The following UBASH3B variants were observed in gnomAD, a reference collection of about 807,000 sequenced individuals.
The protein encoded by UBASH3B is ubiquitin-associated and SH3 domain-containing protein B.
Under a neutral mutation model 83.4 loss-of-function variants are expected in UBASH3B, and 37 were observed. That is an observed-to-expected ratio of 0.44 (90% confidence interval 0.34 to 0.58). The LOEUF (loss-of-function observed/expected upper bound fraction) is 0.58, where lower values mean the gene tolerates loss of function less well. UBASH3B is among the 20% of genes least tolerant of loss of function. The pLI is 0.01. For missense variants in UBASH3B, 657 were observed against 827.2 expected (o/e 0.79, Z 2.52); for synonymous variants, 304 against 318.3 (o/e 0.96, Z 0.48).
chr11:122,775,165 G>A (rs745843566), intron 1 of UBASH3B, among the ~76,000 whole-genome samples: 25 of 152,238 alleles, frequency 1.6e-4, no homozygotes, highest in Non-Finnish European at 2.8e-4. Context: ...TTCAATAGAT[G>A]TTTGCTGAAT....
rs375787428 is a variant in UBASH3B at position 122,656,200 on chromosome 11, A to C, written c.151A>C (p.Arg51=). The C allele has an allele frequency of 4.1e-6, 6 of 1,479,802 alleles. No individual in the cohort carries two copies. In the African/African-American group the frequency reaches 7.3e-5, roughly 18 times the overall value. 91.7% of individuals were successfully genotyped at this position (1,479,802 alleles called of 1,614,324 possible). The change falls in exon 1 of 14, where the codon AGA becomes CGA. Residue 51 remains arginine, a synonymous_variant. Transcript: ENST00000284273. Reference sequence around the variant, plus strand: ...CGTGCTCCTCTCCATGGGGTTCCCCAGAGCCCGCGCGTAAGTGGCCGGGCT... The same window carrying C: ...CGTGCTCCTCTCCATGGGGTTCCCCCGAGCCCGCGCGTAAGTGGCCGGGCT... The part of the protein sequence containing the change: ...LDVLLSMGFP[R]ARAQKALAST...
At chr11:122,656,974 A>T (rs1185620129) in intron 1 of UBASH3B, among the ~76,000 whole-genome samples, 1 of 152,144 alleles carries the variant, frequency 6.6e-6, no homozygotes, top group African/African-American at 2.4e-5. Context: ...CCTGCTGGGG[A>T]GAGGCCTGTT....
At chr11:122,731,084 G>T (rs1860836591) in intron 1 of UBASH3B, among the ~76,000 whole-genome samples, 1 of 152,180 alleles carries the variant, frequency 6.6e-6, no homozygotes, top group African/African-American at 2.4e-5. Flanking sequence ...GACTCCCAGT[G>T]GATGCCTGAA....
At chr11:122,694,509 A>G (rs1040126757) in intron 1 of UBASH3B, among the ~76,000 whole-genome samples, 1 of 152,144 alleles carries the variant, frequency 6.6e-6, no homozygotes, top group African/African-American at 2.4e-5. Context: ...GCAGTGTGCC[A>G]TGATTGTATG....
intron 5 of UBASH3B, among the ~76,000 whole-genome samples, chr11:122,785,867 A>G (rs931548398): frequency 2.6e-5 from 4 of 152,202 alleles, no homozygotes; most frequent in African/African-American, 9.7e-5. Flanking sequence ...ACAGCAACGA[A>G]AAATTGCTGC....
intron 1 of UBASH3B, among the ~76,000 whole-genome samples, chr11:122,734,315 T>C (rs1860897354): frequency 1.3e-5 from 2 of 152,128 alleles, no homozygotes; most frequent in Non-Finnish European, 2.9e-5. Context: ...GAGGAAGACA[T>C]TGAAAAGAGC....
chr11:122,666,191 G>T lies in UBASH3B; in HGVS notation c.161+9981G>T, dbSNP rs548312188. Among the ~76,000 whole-genome samples, 463 of 152,348 alleles carry T rather than the reference G, an allele frequency of 3.0e-3. 2 individuals carry two copies. The highest frequency in any genetic ancestry group is 4.7e-3 in the Non-Finnish European group (319 of 68,028). The stretch of plus-strand genomic sequence containing the variant: ...ACCTTCTTGGTGATTCAGGTAGCAG[G>T]ATTGTTTAGAATCCTGCTTCCACGT... On this transcript the variant is annotated intron_variant, in intron 1 of 13. Coordinates refer to ENST00000284273, the MANE Select transcript of UBASH3B (RefSeq NM_032873.5).
At chr11:122,698,342 T>C (rs1211904978) in intron 1 of UBASH3B, among the ~76,000 whole-genome samples, 1 of 152,110 alleles carries the variant, frequency 6.6e-6, no homozygotes, top group African/African-American at 2.4e-5. Context: ...GCTCCCCACC[T>C]TCCAAAATCT....
chr11:122,655,758 A>AG lies in UBASH3B; in HGVS notation c.-287dup, dbSNP rs745545499. On this transcript the variant is annotated 5_prime_UTR_variant, in exon 1 of 14. Transcript: ENST00000284273. ...CCGGACTGCTAGGCGAGGAGAGGGA[A>AG]GGGGGCGGAGGAGACAGGGCTACTG... 2.0e-5 allele frequency: 7 copies of AG among 345,452 alleles called. No individual in the cohort carries two copies. In the South Asian group the frequency reaches 6.2e-4, roughly 31 times the overall value. 21.4% of individuals were successfully genotyped at this position (345,452 alleles called of 1,614,324 possible).
At chr11:122,707,682 T>A (rs916002405) in intron 1 of UBASH3B, among the ~76,000 whole-genome samples, 3 of 152,184 alleles carry the variant, frequency 2.0e-5, no homozygotes, top group African/African-American at 7.2e-5. Flanking sequence ...GCTAATCTAA[T>A]ATATAATTTT....
At chr11:122,731,330 A>AT (rs559208528) in intron 1 of UBASH3B, among the ~76,000 whole-genome samples, 2 of 151,962 alleles carry the variant, frequency 1.3e-5, no homozygotes. Context: ...TTGGCATGCA[A>AT]TTTTTTTTCT....
chr11:122,784,517 C>A (rs1443694413), intron 5 of UBASH3B, among the ~76,000 whole-genome samples: 1 of 152,138 alleles, frequency 6.6e-6, no homozygotes, highest in African/African-American at 2.4e-5. Flanking sequence ...AAGACCTCAT[C>A]GTTTGTTAAA....
chr11:122,760,056 G>A (rs570204276), intron 1 of UBASH3B, among the ~76,000 whole-genome samples: 10 of 152,180 alleles, frequency 6.6e-5, no homozygotes, highest in Non-Finnish European at 1.3e-4. Context: ...AACATCTTCA[G>A]GAAGTTCATA....
At position 122,813,139 on chromosome 11, in the gene UBASH3B, C is replaced by A. The variant is rs193194960; in HGVS notation, c.*3253C>A. 135 of 152,398 alleles carry A rather than the reference C, an allele frequency of 8.9e-4. No homozygotes were observed. The highest frequency in any genetic ancestry group is 3.1e-3 in the African/African-American group (129 of 41,548). 9.4% of individuals were successfully genotyped at this position (152,398 alleles called of 1,614,324 possible). Reference sequence around the variant, plus strand: ...AAAAATATGCCTTCTGGAGTGATGTCTGTTTGGTAAATCATTGTTGATAAT... The same window carrying A: ...AAAAATATGCCTTCTGGAGTGATGTATGTTTGGTAAATCATTGTTGATAAT... On this transcript the variant is annotated 3_prime_UTR_variant, in exon 14 of 14. Coordinates refer to ENST00000284273, the MANE Select transcript of UBASH3B (RefSeq NM_032873.5).
rs770170900 is a variant in UBASH3B, at chr11:122,808,059, T to TC, written c.1703-3dup. The TC allele has an allele frequency of 6.2e-7, 1 of 1,611,328 alleles. No individual in the cohort carries two copies. Among genetic ancestry groups the TC allele is most frequent in the Non-Finnish European group, 8.5e-7 (1 of 1,177,488 alleles). ...ACAGTCTTCCCATACCTTGCCATTT[T>TC]CCCCCAGGAAATAACATCCTGATTG... On this transcript the variant is annotated splice_polypyrimidine_tract_variant and splice_region_variant and intron_variant, in intron 12 of 13. Transcript: ENST00000284273.
intron 5 of UBASH3B, 61 bp downstream of exon 5, chr11:122,783,283 C>T: frequency 1.0e-5 from 16 of 1,570,750 alleles, no homozygotes; most frequent in Non-Finnish European, 1.3e-5. Flanking sequence ...GAATCAGCAG[C>T]TCGCTGCTGC....
chr11:122,765,945 T>C (rs1409435370), intron 1 of UBASH3B, among the ~76,000 whole-genome samples: 1 of 152,184 alleles, frequency 6.6e-6, no homozygotes, highest in African/African-American at 2.4e-5. Context: ...TTGTAACAGG[T>C]TAGGCCTTAC....
In UBASH3B at chr11:122,760,347, G is replaced by T. The variant is rs946337275; in HGVS notation, c.162-15872G>T. 7.5e-5 allele frequency among the ~76,000 whole-genome samples: 11 copies of T among 147,192 alleles called. No homozygotes were observed. In the East Asian group the frequency reaches 1.8e-3, roughly 24 times the overall value. On this transcript the variant is annotated intron_variant, in intron 1 of 13. Transcript: ENST00000284273. ...CCTTGCAGGAAAAGGAACCAACAGA[G>T]AAAGTTTTTTTTTTTTTTGTTATTG...
Position 122,768,466 on chromosome 11 carries a change from A to AGGTATGTGTGTGTG in UBASH3B, c.162-7753_162-7752insGGTATGTGTGTGTG, listed in dbSNP as rs745861229. On this transcript the variant is annotated intron_variant, in intron 1 of 13. Transcript: ENST00000284273. ...AAAAAAGAAAAAGATAGAGATATAT[A>AGGTATGTGTGTGTG]TGTATGTGTGTGTGTGTGTGTGTGT... is the stretch of plus-strand genomic sequence containing the variant. 1.3e-3 allele frequency among the ~76,000 whole-genome samples: 167 copies of AGGTATGTGTGTGTG among 128,988 alleles called. 2 individuals carry two copies. The highest frequency in any genetic ancestry group is 3.7e-3 in the Middle Eastern group (1 of 268). 84.6% of individuals were successfully genotyped at this position (128,988 alleles called of 152,430 possible).
Sources: allele counts gnomAD v4.1 joint callset (sites outside exome capture counted in the v4.1 genomes callset), GRCh38; gene constraint gnomAD v4.1.1; transcripts MANE v1.5; gene names NCBI Gene and HGNC (gene_info 2026-07-23, HGNC 2026-07-21).